The following PLBD1 variants were observed in gnomAD, a reference collection of about 807,000 sequenced individuals.
The protein encoded by PLBD1 is phospholipase B domain containing 1.
In PLBD1, 60 loss-of-function variants were observed where a neutral mutation model predicts 63.0. That is an observed-to-expected ratio of 0.95 (90% confidence interval 0.77 to 1.18). PLBD1 has a LOEUF of 1.18. Ranked by LOEUF, PLBD1 falls within the 50% of genes most tolerant of loss-of-function variation. The pLI is 0.00. For synonymous variants in PLBD1, 262 were observed against 248.0 expected (o/e 1.06, Z -0.53); for missense variants, 598 against 677.9 (o/e 0.88, Z 1.31).
At position 14,511,625 on chromosome 12, in the gene PLBD1, G is replaced by C; in HGVS notation, c.931C>G (p.Leu311Val). The C allele has an allele frequency of 6.2e-7, 1 of 1,614,170 alleles. No homozygotes were observed. Among genetic ancestry groups the C allele is most frequent in the Non-Finnish European group, 8.5e-7 (1 of 1,180,024 alleles). ...QTTNSVFNKT[L>V]LKQVIPETLL... ...GTCTCGGGTATTACCTGCTTTAGCA[G>C]GGTTTTATTAAACACACTGTTTGTG... Residue 311 changes from leucine (L) to valine (V), a missense_variant, in exon 7 of 11, where the codon CTG becomes GTG. Coordinates refer to ENST00000240617, the MANE Select transcript of PLBD1 (RefSeq NM_024829.6).
intron 8 of PLBD1, among the ~76,000 whole-genome samples, chr12:14,509,442 A>G (rs951463004): frequency 1.3e-5 from 2 of 152,188 alleles, no homozygotes; most frequent in African/African-American, 2.4e-5. Flanking sequence ...GAATTGCTCT[A>G]TGCTAAACAG....
chr12:14,540,051 T>C (rs190393632), intron 4 of PLBD1, among the ~76,000 whole-genome samples: 28,959 of 74,998 alleles, frequency 0.39, 5,639 homozygotes, highest in Non-Finnish European at 0.44. Flanking sequence ...TATATATATA[T>C]ATACACACAC....
chr12:14,534,688 C>A (rs185516819), intron 6 of PLBD1, among the ~76,000 whole-genome samples: 79 of 152,054 alleles, frequency 5.2e-4, no homozygotes, highest in Non-Finnish European at 1.0e-3. Flanking sequence ...CGACTACAGG[C>A]GCCCGCCACC....
At chr12:14,507,795 C>T (rs1191534382) in intron 8 of PLBD1, among the ~76,000 whole-genome samples, 1 of 152,168 alleles carries the variant, frequency 6.6e-6, no homozygotes, top group Non-Finnish European at 1.5e-5. Flanking sequence ...TTCAAAGCTT[C>T]ATAGTGTGTG....
intron 6 of PLBD1, among the ~76,000 whole-genome samples, chr12:14,521,070 A>T (rs1945371248): frequency 6.6e-6 from 1 of 152,088 alleles, no homozygotes; most frequent in Non-Finnish European, 1.5e-5. Context: ...CTGCAAGTAC[A>T]CTGTGCTTGT....
chr12:14,537,253 G>GA (rs1223818291), intron 4 of PLBD1, among the ~76,000 whole-genome samples: 4 of 152,108 alleles, frequency 2.6e-5, no homozygotes, highest in Non-Finnish European at 4.4e-5. Context: ...TGGCTCCTTG[G>GA]AGAGTAAAAC....
chr12:14,559,818 A>T (rs1466677889), intron 1 of PLBD1, among the ~76,000 whole-genome samples: 1 of 151,782 alleles, frequency 6.6e-6, no homozygotes, highest in Non-Finnish European at 1.5e-5. Context: ...AATTTATTTT[A>T]TTAATATTTA....
intron 4 of PLBD1, among the ~76,000 whole-genome samples, chr12:14,540,326 T>G (rs1337878116): frequency 1.3e-5 from 2 of 151,768 alleles, no homozygotes; most frequent in Non-Finnish European, 2.9e-5. Flanking sequence ...CCTTAGTGAT[T>G]CAGTAAAGCT....
intron 6 of PLBD1, among the ~76,000 whole-genome samples, chr12:14,530,726 C>T (rs1475816536): frequency 6.6e-6 from 1 of 152,216 alleles, no homozygotes; most frequent in Non-Finnish European, 1.5e-5. Context: ...GGTCTTCACA[C>T]AATTGTATTG....
rs141834490 is a variant in PLBD1 at position 14,539,557 on chromosome 12, G to A, written c.558+1207C>T. ...TCCCAGCACTTTGGGAGGTTGAGGC[G>A]GATGGATCTTTTGAGGTCAGGAGTT... On this transcript the variant is annotated intron_variant, in intron 4 of 10. Transcript: ENST00000240617. Among the ~76,000 whole-genome samples, 521 of 151,984 alleles carry A rather than the reference G, an allele frequency of 3.4e-3. 1 individual carries two copies. Among genetic ancestry groups the A allele is most frequent in the Middle Eastern group, 0.017 (5 of 294 alleles).
intron 1 of PLBD1, among the ~76,000 whole-genome samples, chr12:14,561,035 G>C (rs749381915): frequency 2.6e-5 from 4 of 151,746 alleles, no homozygotes; most frequent in Non-Finnish European, 5.9e-5. Context: ...TTTCAGAGAC[G>C]CCCTGAGGTG....
chr12:14,527,870 A>G (rs1205528059), intron 6 of PLBD1, among the ~76,000 whole-genome samples: 1 of 152,054 alleles, frequency 6.6e-6, no homozygotes, highest in African/African-American at 2.4e-5. Context: ...AACAGTAAGC[A>G]TAAGAAAGCT....
At chr12:14,516,605 A>G (rs1945338634) in intron 6 of PLBD1, among the ~76,000 whole-genome samples, 1 of 152,180 alleles carries the variant, frequency 6.6e-6, no homozygotes, top group Admixed American at 6.5e-5. Flanking sequence ...AGGTGATAGC[A>G]TACCTGTATA....
intron 2 of PLBD1, among the ~76,000 whole-genome samples, chr12:14,547,302 C>A (rs960082728): frequency 1.3e-5 from 2 of 151,748 alleles, no homozygotes; most frequent in Non-Finnish European, 2.9e-5. Context: ...GGGGCCTCAG[C>A]CAGTCCTGCC....
intron 2 of PLBD1, among the ~76,000 whole-genome samples, chr12:14,542,764 C>T (rs903564478): frequency 5.3e-5 from 8 of 152,120 alleles, no homozygotes; most frequent in African/African-American, 1.7e-4. Flanking sequence ...AAAGATCATA[C>T]TGGCTGGGCA....
intron 3 of PLBD1, 77 bp downstream of exon 3, chr12:14,542,120 GAAATTGGCAAA>G: frequency 8.8e-7 from 1 of 1,141,640 alleles, no homozygotes; most frequent in South Asian, 1.3e-5. Context: ...AGATTAAAAA[GAAATTGGCAAA>G]AAATTGCTGC....
In PLBD1 at chr12:14,511,607, G is replaced by C; in HGVS notation, c.949C>G (p.Pro317Ala). Residue 317 changes from proline to alanine, a missense_variant, in exon 7 of 11, where the codon CCC becomes GCC. Physicochemically the swap from Pro to Ala is conservative, Grantham distance 27. Coordinates refer to ENST00000240617, the MANE Select transcript of PLBD1 (RefSeq NM_024829.6). ...CTTTGCCAGGACAGGAGAGTCTCGG[G>C]TATTACCTGCTTTAGCAGGGTTTTA... ...FNKTLLKQVI[P>A]ETLLSWQRVR... The C allele has an allele frequency of 6.2e-7, 1 of 1,614,186 alleles. No homozygotes were observed. Among genetic ancestry groups the C allele is most frequent in the Non-Finnish European group, 8.5e-7 (1 of 1,180,030 alleles).
rs138490813 is a variant in PLBD1, at chr12:14,507,057, T to C, written c.1248A>G (p.Pro416=). 2.5e-6 allele frequency: 4 copies of C among 1,613,696 alleles called. No homozygotes were observed. The African/African-American group carries it at 5.3e-5, about 22-fold the overall frequency. Residue 416 remains proline (P), a synonymous_variant, in exon 9 of 11, where the codon CCA becomes CCG. Transcript: ENST00000240617. ...HEKIYNWSGY[P]LLVQKLGLDY... ...CCAAGCCCAGCTTCTGAACTAACAG[T>C]GGATAGCCACTCCAGTTGTAGATTT... is the stretch of plus-strand genomic sequence containing the variant.
At chr12:14,536,329 T>C (rs540970003) in intron 5 of PLBD1, among the ~76,000 whole-genome samples, 1 of 152,112 alleles carries the variant, frequency 6.6e-6, no homozygotes, top group South Asian at 2.1e-4. Context: ...TGGAAGATTC[T>C]AGAAGGTGGG....
Sources: allele counts gnomAD v4.1 joint callset (sites outside exome capture counted in the v4.1 genomes callset), GRCh38; gene constraint gnomAD v4.1.1; transcripts MANE v1.5; gene names NCBI Gene and HGNC (gene_info 2026-07-23, HGNC 2026-07-21).